The following NOTCH2NLC variants were observed in gnomAD, a reference collection of about 807,000 sequenced individuals.
The protein encoded by NOTCH2NLC is notch 2 N-terminal like C.
Under a neutral mutation model 17.7 loss-of-function variants are expected in NOTCH2NLC, and 4 were observed. The observed-to-expected ratio is 0.23, with a 90% CI of 0.11 to 0.52. The LOEUF is 0.52. Among genes scored for constraint, NOTCH2NLC ranks in the 20% least tolerant of loss-of-function variants. NOTCH2NLC has a pLI of 0.96. For missense variants in NOTCH2NLC, 57 were observed against 207.2 expected, an observed-to-expected ratio of 0.28 and a Z score of 4.45; for synonymous variants, 18 against 86.0, an observed-to-expected ratio of 0.21 and a Z score of 4.38.
chr1:149,417,253 G>A (rs1190827777), intron 1 of NOTCH2NLC, among the ~76,000 whole-genome samples: 1 of 149,904 alleles, frequency 6.7e-6, no homozygotes, highest in Non-Finnish European at 1.5e-5. Flanking sequence ...GGGATTACAG[G>A]TGCCCGCCAC....
intron 2 of NOTCH2NLC, among the ~76,000 whole-genome samples, chr1:149,435,898 T>G (rs1334983967): frequency 6.7e-6 from 1 of 149,482 alleles, no homozygotes; most frequent in African/African-American, 2.5e-5. Flanking sequence ...ACCTTCACGA[T>G]AAAAAAAAAC....
chr1:149,400,177 A>G (rs1400214580), intron 1 of NOTCH2NLC, among the ~76,000 whole-genome samples: 3 of 140,048 alleles, frequency 2.1e-5, no homozygotes, highest in Non-Finnish European at 3.1e-5. Flanking sequence ...ACATATATAT[A>G]TATGCACACA....
intron 1 of NOTCH2NLC, among the ~76,000 whole-genome samples, chr1:149,413,799 A>G (rs1216630018): frequency 1.1e-4 from 16 of 151,032 alleles, no homozygotes; most frequent in Non-Finnish European, 1.8e-4. Flanking sequence ...TAATATTAGT[A>G]TATTGCTGAT....
At chr1:149,419,038 CCTTT>C (rs2084363256) in intron 1 of NOTCH2NLC, among the ~76,000 whole-genome samples, 1 of 149,574 alleles carries the variant, frequency 6.7e-6, no homozygotes, top group Non-Finnish European at 1.5e-5. Context: ...TCCTCTCTCT[CCTTT>C]CTTTTTTTCT....
In NOTCH2NLC at chr1:149,467,368, CTG is replaced by C. The variant is rs2084690800; in HGVS notation, c.*3218_*3219del. ...TTCCCTGCAAAGGATACTGTAGTCA[CTG>C]TGAGTATTTTAGTATTACTGTAGGA... On this transcript the variant is annotated 3_prime_UTR_variant, in exon 5 of 5. Transcript: ENST00000650865. The C allele has an allele frequency of 2.1e-5, 3 of 143,456 alleles. No individual in the cohort carries two copies. The highest frequency in any genetic ancestry group is 7.7e-5 in the African/African-American group (3 of 38,846). The allele number at this position is 143,456 out of a possible 1,614,324, so 8.9% of individuals were successfully genotyped here. A position where few individuals can be genotyped will look rare whatever the true frequency, so the allele number is the denominator to read the frequency against.
chr1:149,448,615 G>A lies in NOTCH2NLC; in HGVS notation c.210-6703G>A, dbSNP rs1372511927. 9.8e-3 allele frequency among the ~76,000 whole-genome samples: 1,484 copies of A among 150,668 alleles called. 48 individuals carry two copies. The highest frequency in any genetic ancestry group is 0.034 in the African/African-American group (1,386 of 41,086). On this transcript the variant is annotated intron_variant, in intron 2 of 4. Coordinates refer to ENST00000650865, the MANE Select transcript of NOTCH2NLC (RefSeq NM_001364013.2). ...GGAGCATTATTCTTTCTTGAACTGC[G>A]CTCTCACGATGCCTTCTCAGTTTAA...
chr1:149,468,958 C>CTTTTTTTTTTT lies in NOTCH2NLC; in HGVS notation c.*4819_*4829dup, dbSNP rs1175539238. On this transcript the variant is annotated 3_prime_UTR_variant, in exon 5 of 5. Transcript: ENST00000650865. The stretch of plus-strand genomic sequence containing the variant: ...GGCATGTGTCATTTTCTTTTCTTTT[C>CTTTTTTTTTTT]TTTTTTTTTTTTTTTTTTTTTTTTG... Among the ~76,000 whole-genome samples the CTTTTTTTTTTT allele has an allele frequency of 3.4e-4, 18 of 53,452 alleles. No individual in the cohort carries two copies. Among genetic ancestry groups the CTTTTTTTTTTT allele is most frequent in the Non-Finnish European group, 4.3e-4 (13 of 30,282 alleles). The allele number at this position is 53,452 out of a possible 152,430, so 35.1% of individuals were successfully genotyped here. A position where few individuals can be genotyped will look rare whatever the true frequency, so the allele number is the denominator to read the frequency against.
At chr1:149,402,078 A>G (rs1230993814) in intron 1 of NOTCH2NLC, among the ~76,000 whole-genome samples, 2 of 145,216 alleles carry the variant, frequency 1.4e-5, no homozygotes, top group Admixed American at 6.8e-5. Flanking sequence ...TTGTGGCTTG[A>G]TTTTTCTTTT....
At chr1:149,398,983 C>T (rs1238281400) in intron 1 of NOTCH2NLC, among the ~76,000 whole-genome samples, 3 of 152,112 alleles carry the variant, frequency 2.0e-5, no homozygotes, top group African/African-American at 7.2e-5. Flanking sequence ...TATGTTTATT[C>T]ATATGATGAA....
chr1:149,413,664 C>T (rs1443384758), intron 1 of NOTCH2NLC, among the ~76,000 whole-genome samples: 2 of 150,996 alleles, frequency 1.3e-5, no homozygotes, highest in Non-Finnish European at 1.5e-5. Context: ...CATTTTGTTC[C>T]TGCTGAGTTC....
chr1:149,406,581 C>T (rs2084269629), intron 1 of NOTCH2NLC: 1 of 148,732 alleles, frequency 6.7e-6, no homozygotes, highest in East Asian at 2.0e-4. Flanking sequence ...TTTGCTTTAG[C>T]ATAGCTGGTG....
chr1:149,413,170 A>T (rs2084309223), intron 1 of NOTCH2NLC, among the ~76,000 whole-genome samples: 2 of 150,720 alleles, frequency 1.3e-5, no homozygotes, highest in South Asian at 4.2e-4. Flanking sequence ...AGCCTCCCAG[A>T]GTGCTGGGAT....
chr1:149,418,982 TCTC>T lies in NOTCH2NLC; in HGVS notation c.136-11957_136-11955del, dbSNP rs1339093023. Among the ~76,000 whole-genome samples, 540 of 150,908 alleles carry T rather than the reference TCTC, an allele frequency of 3.6e-3. 16 individuals are homozygous for T. The highest frequency in any genetic ancestry group is 0.013 in the African/African-American group (516 of 41,182). ...CCTTTTCTTTCCTTTCCTTTCTCTCTCTCCTTTCTTTCTTTTGCTTCCTTCCTC... is the reference window on the plus strand; with the variant it reads ...CCTTTTCTTTCCTTTCCTTTCTCTCTCTTTCTTTCTTTTGCTTCCTTCCTC... On this transcript the variant is annotated intron_variant, in intron 1 of 4. Coordinates refer to ENST00000650865, the MANE Select transcript of NOTCH2NLC (RefSeq NM_001364013.2).
chr1:149,398,706 G>T (rs1291943373), intron 1 of NOTCH2NLC, among the ~76,000 whole-genome samples: 1 of 151,086 alleles, frequency 6.6e-6, no homozygotes, highest in African/African-American at 2.4e-5. Context: ...ATGGTACCCC[G>T]GGTCCTCTGG....
chr1:149,442,166 A>C, intron 2 of NOTCH2NLC, among the ~76,000 whole-genome samples: 1 of 149,968 alleles, frequency 6.7e-6, no homozygotes, highest in East Asian at 2.0e-4. Flanking sequence ...TTGGGATAGA[A>C]GATGGTTAGA....
chr1:149,429,313 A>G (rs1218922939), intron 1 of NOTCH2NLC, among the ~76,000 whole-genome samples: 1 of 150,060 alleles, frequency 6.7e-6, no homozygotes, highest in African/African-American at 2.5e-5. Flanking sequence ...GTATAATAAT[A>G]TCCACCCTGC....
At chr1:149,417,187 G>A (rs1485841876) in intron 1 of NOTCH2NLC, among the ~76,000 whole-genome samples, 1 of 125,256 alleles carries the variant, frequency 8.0e-6, no homozygotes, top group African/African-American at 3.0e-5. Context: ...TCTGCTCACT[G>A]CAAGCTCCGC....
chr1:149,450,224 TAGTC>T (rs2084583844), intron 2 of NOTCH2NLC, among the ~76,000 whole-genome samples: 1 of 146,320 alleles, frequency 6.8e-6, no homozygotes, highest in Non-Finnish European at 1.5e-5. Flanking sequence ...TTTGTTGAAG[TAGTC>T]AGCCAGTAAT....
chr1:149,435,811 C>T (rs1346807087), intron 2 of NOTCH2NLC, among the ~76,000 whole-genome samples: 3 of 139,996 alleles, frequency 2.1e-5, no homozygotes, highest in African/African-American at 7.9e-5. Flanking sequence ...CTCCAGATAC[C>T]TCTGACTCCT....
Sources: allele counts gnomAD v4.1 joint callset (sites outside exome capture counted in the v4.1 genomes callset), GRCh38; gene constraint gnomAD v4.1.1; transcripts MANE v1.5; gene names NCBI Gene and HGNC (gene_info 2026-07-23, HGNC 2026-07-21).